The following LRRC69 variants were observed in gnomAD, a reference collection of about 807,000 sequenced individuals.
The protein encoded by LRRC69 is leucine rich repeat containing 69.
In LRRC69, 42 loss-of-function variants were observed where a neutral mutation model predicts 37.8. That is an observed-to-expected ratio of 1.11 (90% CI 0.87 to 1.44). The LOEUF is 1.44. LRRC69 is among the 40% of genes most tolerant of loss of function. LRRC69 has a pLI of 0.00. For missense variants in LRRC69, 357 were observed against 401.9 expected (o/e 0.89, Z 0.96); for synonymous variants, 141 against 143.1 (o/e 0.99, Z 0.11).
chr8:91,113,557 CAACTT>C (rs1221397411), intron 1 of LRRC69, among the ~76,000 whole-genome samples: 1 of 151,882 alleles, frequency 6.6e-6, no homozygotes, highest in Non-Finnish European at 1.5e-5. Flanking sequence ...ATACAAAAAT[CAACTT>C]AAAATGGATT....
chr8:91,169,107 C>G (rs939135279), intron 5 of LRRC69, among the ~76,000 whole-genome samples: 1 of 151,900 alleles, frequency 6.6e-6, no homozygotes, highest in Admixed American at 6.6e-5. Context: ...AAAATATTGT[C>G]CTTTTTAGAG....
intron 5 of LRRC69, among the ~76,000 whole-genome samples, chr8:91,152,626 C>G (rs1200792762): frequency 6.6e-6 from 1 of 151,284 alleles, no homozygotes. Context: ...TTTTTGTTTC[C>G]ATACAAATTT....
intron 5 of LRRC69, among the ~76,000 whole-genome samples, chr8:91,147,683 A>G (rs1299228963): frequency 6.6e-6 from 1 of 151,852 alleles, no homozygotes; most frequent in African/African-American, 2.4e-5. Flanking sequence ...GAAGTTTTAT[A>G]TCATTTTACT....
intron 3 of LRRC69, among the ~76,000 whole-genome samples, chr8:91,129,740 T>C (rs1813776138): frequency 6.6e-6 from 1 of 151,938 alleles, no homozygotes; most frequent in African/African-American, 2.4e-5. Context: ...AATTTCCTTC[T>C]TTTCAGCATC....
intron 1 of LRRC69, among the ~76,000 whole-genome samples, chr8:91,123,220 A>T (rs1415698954): frequency 6.6e-6 from 1 of 152,042 alleles, no homozygotes; most frequent in Non-Finnish European, 1.5e-5. Context: ...ATATAAGATA[A>T]ATTTGTGTCG....
intron 5 of LRRC69, among the ~76,000 whole-genome samples, chr8:91,156,743 A>G (rs1304480136): frequency 3.3e-5 from 5 of 151,080 alleles, no homozygotes; most frequent in East Asian, 1.9e-4. Flanking sequence ...TAGCAATTCT[A>G]TAGTTTCAGG....
At chr8:91,145,272 C>G (rs1482953694) in intron 5 of LRRC69, among the ~76,000 whole-genome samples, 2 of 151,918 alleles carry the variant, frequency 1.3e-5, no homozygotes, top group Non-Finnish European at 2.9e-5. Flanking sequence ...GTCCATAAAG[C>G]TGTGGTCAAG....
chr8:91,196,464 C>T (rs1005496835), intron 6 of LRRC69, among the ~76,000 whole-genome samples: 2 of 152,030 alleles, frequency 1.3e-5, no homozygotes, highest in Admixed American at 1.3e-4. Flanking sequence ...CCATTCTCCC[C>T]ATCACTTTCA....
At chr8:91,161,520 T>G (rs533565213) in intron 5 of LRRC69, among the ~76,000 whole-genome samples, 1 of 151,294 alleles carries the variant, frequency 6.6e-6, no homozygotes, top group Non-Finnish European at 1.5e-5. Context: ...GGTTCAACCT[T>G]GTTAAATTAT....
intron 1 of LRRC69, among the ~76,000 whole-genome samples, chr8:91,122,736 A>G (rs1412014065): frequency 6.6e-6 from 1 of 152,048 alleles, no homozygotes; most frequent in Non-Finnish European, 1.5e-5. Context: ...ACTGCTGTGC[A>G]TGTTTCACTA....
chr8:91,115,686 A>G (rs72664488), intron 1 of LRRC69, among the ~76,000 whole-genome samples: 6,663 of 151,936 alleles, frequency 0.044, 217 homozygotes, highest in Non-Finnish European at 0.071. Flanking sequence ...TCTATCAGAT[A>G]TCTCCCTTTT....
At chr8:91,213,134 AT>A (rs1809965225) in intron 7 of LRRC69, among the ~76,000 whole-genome samples, 1 of 152,102 alleles carries the variant, frequency 6.6e-6, no homozygotes, top group Non-Finnish European at 1.5e-5. Flanking sequence ...TTCAGAGGAT[AT>A]TGATTATGCA....
At chr8:91,145,033 G>A (rs1808594373) in intron 5 of LRRC69, among the ~76,000 whole-genome samples, 1 of 151,852 alleles carries the variant, frequency 6.6e-6, no homozygotes, top group South Asian at 2.1e-4. Flanking sequence ...AAATATTTCT[G>A]TGAAATTGAT....
chr8:91,176,134 A>ATATATATATATATTTTTTTTTT, intron 5 of LRRC69, among the ~76,000 whole-genome samples: 2 of 75,698 alleles, frequency 2.6e-5, no homozygotes, highest in African/African-American at 6.1e-5. Context: ...ATATATATAT[A>ATATATATATATATTTTTTTTTT]TTTTTTTTTT....
At chr8:91,178,101 G>T (rs1357948356) in intron 5 of LRRC69, among the ~76,000 whole-genome samples, 2 of 152,080 alleles carry the variant, frequency 1.3e-5, no homozygotes, top group Non-Finnish European at 2.9e-5. Context: ...GCCTGCCTTG[G>T]CCTCCCAAAG....
At chr8:91,171,560 AT>A (rs1809132746) in intron 5 of LRRC69, among the ~76,000 whole-genome samples, 1 of 152,054 alleles carries the variant, frequency 6.6e-6, no homozygotes, top group Non-Finnish European at 1.5e-5. Context: ...ATCAGCACAG[AT>A]GTTGATACAG....
chr8:91,165,707 A>G (rs1178508084), intron 5 of LRRC69, among the ~76,000 whole-genome samples: 1 of 151,666 alleles, frequency 6.6e-6, no homozygotes, highest in Non-Finnish European at 1.5e-5. Flanking sequence ...TGTGTAGTAG[A>G]TATATTTTAA....
chr8:91,144,708 G>A (rs996685184), intron 5 of LRRC69, among the ~76,000 whole-genome samples: 2 of 143,076 alleles, frequency 1.4e-5, no homozygotes, highest in African/African-American at 5.4e-5. Context: ...ACCAGTCTAA[G>A]CATATCTTGC....
chr8:91,160,032 C>G (rs1808909811), intron 5 of LRRC69, among the ~76,000 whole-genome samples: 2 of 151,090 alleles, frequency 1.3e-5, no homozygotes, highest in African/African-American at 4.8e-5. Context: ...AGATGTCTTT[C>G]CATTTTTGTG....
Sources: allele counts gnomAD v4.1 joint callset (sites outside exome capture counted in the v4.1 genomes callset), GRCh38; gene constraint gnomAD v4.1.1; transcripts MANE v1.5; gene names NCBI Gene and HGNC (gene_info 2026-07-23, HGNC 2026-07-21).